Variants in TOP1 observed in about 807,000 individuals in gnomAD.
TOP1 encodes DNA topoisomerase I.
A neutral mutation model predicts 111.1 loss-of-function variants in TOP1; 10 were observed. That is an observed-to-expected ratio of 0.09 (90% confidence interval 0.06 to 0.15). The LOEUF (loss-of-function observed/expected upper bound fraction) is 0.15, where lower values mean the gene tolerates loss of function less well. TOP1 is among the 10% of genes least tolerant of loss of function. TOP1 has a pLI of 1.00. For synonymous variants in TOP1, 271 were observed against 302.9 expected (o/e 0.89, Z 1.10); for missense variants, 474 against 926.7 (o/e 0.51, Z 6.34).
rs1475944765 is a variant in TOP1, at chr20:41,106,891, TAA to T, written c.1308+5539_1308+5540del. On this transcript the variant is annotated intron_variant, in intron 13 of 20. Coordinates refer to ENST00000361337, the MANE Select transcript of TOP1 (RefSeq NM_003286.4). This position sits in a 1 kb window ranked among gnomAD's most constrained non-coding sequence, Gnocchi z 4.3. The stretch of plus-strand genomic sequence containing the variant: ...TCAGTTCATATATTTCATATTTCTT[TAA>T]GTTTTAATTTTTATTTTTAAACACA... Among the ~76,000 whole-genome samples the T allele has an allele frequency of 3.3e-5, 5 of 152,326 alleles. No homozygotes were observed. The highest frequency in any genetic ancestry group is 4.1e-4 in the South Asian group (2 of 4,830).
At chr20:41,050,649 A>G (rs971378870) in intron 2 of TOP1, among the ~76,000 whole-genome samples, 2 of 152,122 alleles carry the variant, frequency 1.3e-5, no homozygotes, top group Non-Finnish European at 2.9e-5. Context: ...CCTCTCCCCT[A>G]ACAGTTGGGG....
chr20:41,062,977 T>A (rs1384123131), intron 3 of TOP1, among the ~76,000 whole-genome samples: 1 of 152,216 alleles, frequency 6.6e-6, no homozygotes, highest in South Asian at 2.1e-4. Context: ...TGGGTACATA[T>A]AGGCAACTTT....
intron 13 of TOP1, among the ~76,000 whole-genome samples, chr20:41,108,367 A>C (rs2034180767): frequency 1.3e-5 from 2 of 152,248 alleles, no homozygotes; most frequent in Admixed American, 1.3e-4. Context: ...AATTAAAGGA[A>C]TCATTCAGGG....
Position 41,068,606 on chromosome 20 carries a change from A to G in TOP1, c.155+7116A>G, listed in dbSNP as rs116818559. On this transcript the variant is annotated intron_variant, in intron 3 of 20. Coordinates refer to ENST00000361337, the MANE Select transcript of TOP1 (RefSeq NM_003286.4). ...TTTTAATAGAGATGGCGGTCTTGCT[A>G]TGTTGCCCAGGGTGGTCTGGAACTT... 8.0e-3 allele frequency among the ~76,000 whole-genome samples: 1,214 copies of G among 152,212 alleles called. 14 individuals are homozygous for G. The highest frequency in any genetic ancestry group is 0.028 in the African/African-American group (1,148 of 41,534).
At chr20:41,049,040 CG>C (rs1401721881) in intron 2 of TOP1, among the ~76,000 whole-genome samples, 2 of 152,110 alleles carry the variant, frequency 1.3e-5, no homozygotes, top group East Asian at 3.8e-4. Flanking sequence ...AATTTAAATG[CG>C]GAAGTGGCCT....
chr20:41,035,383 T>G (rs1382703288), intron 2 of TOP1, among the ~76,000 whole-genome samples: 1 of 152,224 alleles, frequency 6.6e-6, no homozygotes, highest in Non-Finnish European at 1.5e-5. Context: ...CCTTTGAAAT[T>G]AACATTTTTG....
intron 3 of TOP1, among the ~76,000 whole-genome samples, chr20:41,074,038 A>G (rs2033697192): frequency 6.6e-6 from 1 of 152,354 alleles, no homozygotes; most frequent in Non-Finnish European, 1.5e-5. Context: ...TGCTGGTAGT[A>G]TAAAAACCAA....
At chr20:41,105,208 A>G (rs1042449219) in intron 13 of TOP1, among the ~76,000 whole-genome samples, 1 of 152,226 alleles carries the variant, frequency 6.6e-6, no homozygotes, top group African/African-American at 2.4e-5. Context: ...AACAATATGT[A>G]ATTTTACAAT....
chr20:41,106,201 G>A lies in TOP1; in HGVS notation c.1308+4848G>A, dbSNP rs2034143032. 6.6e-6 allele frequency among the ~76,000 whole-genome samples: 1 copy of A among 152,148 alleles called. No homozygotes were observed. The highest frequency in any genetic ancestry group is 2.1e-4 in the South Asian group (1 of 4,830). On this transcript the variant is annotated intron_variant, in intron 13 of 20. Transcript: ENST00000361337. This position sits in a 1 kb window ranked among gnomAD's most constrained non-coding sequence, Gnocchi z 4.3. ...GATATATCTACATATATGTCAGACT[G>A]TTTCTGGGCTGTCTGTCCTCTTTAA... is the stretch of plus-strand genomic sequence containing the variant.
At position 41,094,953 on chromosome 20, in the gene TOP1, T is replaced by C; in HGVS notation, c.731-2267T>C. 6.6e-6 allele frequency among the ~76,000 whole-genome samples: 1 copy of C among 152,224 alleles called. No homozygotes were observed. The highest frequency in any genetic ancestry group is 1.9e-4 in the East Asian group (1 of 5,196). ...TGCAGGGAGCCATCATTTCATCTTTTGACAGCTCATCTAAAATAGGAGGAG... is the reference window on the plus strand; with the variant it reads ...TGCAGGGAGCCATCATTTCATCTTTCGACAGCTCATCTAAAATAGGAGGAG... On this transcript the variant is annotated intron_variant, in intron 9 of 20. Coordinates refer to ENST00000361337, the MANE Select transcript of TOP1 (RefSeq NM_003286.4). The surrounding 1 kb of genome is among the most constrained non-coding windows in gnomAD (Gnocchi z 4.4).
At chr20:41,104,751 G>T (rs538439597) in intron 13 of TOP1, among the ~76,000 whole-genome samples, 1 of 152,276 alleles carries the variant, frequency 6.6e-6, no homozygotes, top group Admixed American at 6.5e-5. Flanking sequence ...GGTGCCATTA[G>T]GAGAAAAAGA....
At chr20:41,052,896 A>G (rs1229469541) in intron 2 of TOP1, among the ~76,000 whole-genome samples, 3 of 152,176 alleles carry the variant, frequency 2.0e-5, no homozygotes, top group Non-Finnish European at 4.4e-5. Context: ...AGCCTGAGGC[A>G]GGAGAATCTC....
intron 2 of TOP1, among the ~76,000 whole-genome samples, chr20:41,044,028 G>A (rs936003200): frequency 6.6e-6 from 1 of 152,248 alleles, no homozygotes; most frequent in East Asian, 1.9e-4. Context: ...TGTAATCCCA[G>A]CACTTTGGGA....
chr20:41,105,643 G>A (rs1429423522), intron 13 of TOP1, among the ~76,000 whole-genome samples: 2 of 152,110 alleles, frequency 1.3e-5, no homozygotes, highest in Non-Finnish European at 2.9e-5. Context: ...GATTATAGGC[G>A]TGTGCCACCA....
At position 41,046,381 on chromosome 20, in the gene TOP1, C is replaced by T. The variant is rs2033334595; in HGVS notation, c.59-15013C>T. ...CCTACCTCATGCCACAGCCTGAGTT[C>T]TTAGTTGTGATACAAAACAAGGTAA... On this transcript the variant is annotated intron_variant, in intron 2 of 20. Transcript: ENST00000361337. The surrounding 1 kb of genome is among the most constrained non-coding windows in gnomAD (Gnocchi z 4.3). 6.6e-6 allele frequency among the ~76,000 whole-genome samples: 1 copy of T among 152,192 alleles called. No homozygotes were observed. Among genetic ancestry groups the T allele is most frequent in the Admixed American group, 6.5e-5 (1 of 15,284 alleles).
In TOP1 at chr20:41,115,705, T is replaced by A. The variant is rs745724233; in HGVS notation, c.1707+266T>A. Among the ~76,000 whole-genome samples the A allele has an allele frequency of 4.6e-5, 7 of 152,196 alleles. No homozygotes were observed. The highest frequency in any genetic ancestry group is 8.8e-5 in the Non-Finnish European group (6 of 68,032). ...TTATCCTTCCCTGCTCCTGCAGAGC[T>A]TTCCCTTCACTGAATGCCCAGCCAC... is the stretch of plus-strand genomic sequence containing the variant. On this transcript the variant is annotated intron_variant, in intron 16 of 20. Coordinates refer to ENST00000361337, the MANE Select transcript of TOP1 (RefSeq NM_003286.4). This position sits in a 1 kb window ranked among gnomAD's most constrained non-coding sequence, Gnocchi z 6.3.
intron 3 of TOP1, among the ~76,000 whole-genome samples, chr20:41,062,439 A>T (rs1008038463): frequency 6.6e-6 from 1 of 152,356 alleles, no homozygotes; most frequent in South Asian, 2.1e-4. Context: ...GGAATCATGT[A>T]TCATGCCTGT....
chr20:41,057,455 C>T (rs1243695227), intron 2 of TOP1, among the ~76,000 whole-genome samples: 1 of 151,740 alleles, frequency 6.6e-6, no homozygotes, highest in Non-Finnish European at 1.5e-5. Context: ...TTCAATTTAT[C>T]CTTTACTTAA....
rs370209891 is a variant in TOP1, at chr20:41,118,320, A to C, written c.1950+24A>C. ...AGGTATCTTGGATAAAATGAAGGGAACTGTGTCTGCTGTGGGCAGATTATC... is the reference window on the plus strand; with the variant it reads ...AGGTATCTTGGATAAAATGAAGGGACCTGTGTCTGCTGTGGGCAGATTATC... On this transcript the variant is annotated intron_variant, in intron 18 of 20. Coordinates refer to ENST00000361337, the MANE Select transcript of TOP1 (RefSeq NM_003286.4). This position sits in a 1 kb window ranked among gnomAD's most constrained non-coding sequence, Gnocchi z 4.6. 33 of 1,613,164 alleles carry C rather than the reference A, an allele frequency of 2.0e-5. No homozygotes were observed. In the African/African-American group the frequency reaches 3.9e-4, roughly 19 times the overall value.
Sources: allele counts gnomAD v4.1 joint callset (sites outside exome capture counted in the v4.1 genomes callset), GRCh38; gene constraint gnomAD v4.1.1; non-coding constraint Gnocchi (gnomAD v3.1); transcripts MANE v1.5; gene names NCBI Gene and HGNC (gene_info 2026-07-23, HGNC 2026-07-21).